ADK: variants seen among roughly 807,000 people sequenced by gnomAD.
ADK encodes N6,N6-dimethyladenosine kinase.
A neutral mutation model predicts 44.7 loss-of-function variants in ADK; 24 were observed. The observed-to-expected ratio is 0.54, with a 90% CI of 0.39 to 0.76. The LOEUF (loss-of-function observed/expected upper bound fraction) is 0.76. Among genes scored for constraint, ADK ranks in the 30% least tolerant of loss-of-function variants. The pLI, the probability that ADK is intolerant of heterozygous loss-of-function variation, is 0.00. For missense variants in ADK, 321 were observed against 425.1 expected, an observed-to-expected ratio of 0.76 and a Z score of 2.15; for synonymous variants, 128 against 142.6, an observed-to-expected ratio of 0.90 and a Z score of 0.73.
chr10:74,413,498 T>C (rs1434900308), intron 6 of ADK, among the ~76,000 whole-genome samples: 1 of 152,222 alleles, frequency 6.6e-6, no homozygotes, highest in Non-Finnish European at 1.5e-5. Context: ...TCTCTTAGCT[T>C]CAGACTTTTC....
chr10:74,385,256 T>TGTTAATAGTGGTATTAATAGA (rs1843104921), intron 4 of ADK, among the ~76,000 whole-genome samples: 1 of 152,068 alleles, frequency 6.6e-6, no homozygotes, highest in Admixed American at 6.6e-5. Flanking sequence ...ACTAAAGTGG[T>TGTTAATAGTGGTATTAATAGA]GTTAATAGAG....
At chr10:74,261,424 C>T (rs1257981472) in intron 3 of ADK, among the ~76,000 whole-genome samples, 1 of 152,184 alleles carries the variant, frequency 6.6e-6, no homozygotes, top group African/African-American at 2.4e-5. Context: ...CTCTTTTCAG[C>T]TCTGATCCTG....
intron 4 of ADK, among the ~76,000 whole-genome samples, chr10:74,350,943 A>T: frequency 6.6e-6 from 1 of 152,192 alleles, no homozygotes; most frequent in East Asian, 1.9e-4. Flanking sequence ...TTAATAGTCT[A>T]CCAACCAAAA....
intron 6 of ADK, among the ~76,000 whole-genome samples, chr10:74,409,895 T>A (rs1358769772): frequency 6.6e-6 from 1 of 152,176 alleles, no homozygotes; most frequent in Admixed American, 6.5e-5. Flanking sequence ...GTTTGCCCTA[T>A]AGGTTTTTCA....
At chr10:74,217,639 C>A (rs10824115) in intron 2 of ADK, among the ~76,000 whole-genome samples, 18,428 of 152,210 alleles carry the variant, frequency 0.12, 1,134 homozygotes, top group Middle Eastern at 0.2. Context: ...AGCAGACTGA[C>A]AACTCACATG....
chr10:74,484,026 C>T (rs1847174686), intron 6 of ADK, among the ~76,000 whole-genome samples: 1 of 152,210 alleles, frequency 6.6e-6, no homozygotes, highest in South Asian at 2.1e-4. Context: ...TCCACATTTT[C>T]AGTCATCTTT....
At chr10:74,185,545 G>C (rs1478482666) in intron 1 of ADK, among the ~76,000 whole-genome samples, 1 of 148,594 alleles carries the variant, frequency 6.7e-6, no homozygotes, top group East Asian at 2.0e-4. Flanking sequence ...TTGAAGCAGA[G>C]TCGTCGGCCG....
At chr10:74,501,593 T>C (rs376312386) in intron 6 of ADK, among the ~76,000 whole-genome samples, 5 of 152,128 alleles carry the variant, frequency 3.3e-5, no homozygotes, top group Non-Finnish European at 7.4e-5. Context: ...TGCAAAAAAA[T>C]TGTTATGGAA....
chr10:74,565,993 A>T (rs1288049699), intron 7 of ADK, among the ~76,000 whole-genome samples: 2 of 152,106 alleles, frequency 1.3e-5, no homozygotes, highest in Non-Finnish European at 2.9e-5. Flanking sequence ...TCTGACTGAT[A>T]AGTGGCAGAT....
At chr10:74,168,488 G>A (rs1373471489) in intron 1 of ADK, among the ~76,000 whole-genome samples, 2 of 143,922 alleles carry the variant, frequency 1.4e-5, no homozygotes, top group African/African-American at 2.6e-5. Flanking sequence ...GCAGTGAGCC[G>A]AGATCGCGCC....
chr10:74,271,633 A>G (rs11000946), intron 3 of ADK, among the ~76,000 whole-genome samples: 65,739 of 104,750 alleles, frequency 0.63, 22,061 homozygotes, highest in Middle Eastern at 0.78. Context: ...TCATTGTTCA[A>G]TTCCCATCTA....
chr10:74,219,183 G>C (rs1204812835), intron 2 of ADK, among the ~76,000 whole-genome samples: 1 of 151,466 alleles, frequency 6.6e-6, no homozygotes, highest in African/African-American at 2.4e-5. Context: ...GATCTACCAA[G>C]CGAATGGAAA....
chr10:74,386,930 C>G (rs1406911845), intron 4 of ADK, among the ~76,000 whole-genome samples: 1 of 140,462 alleles, frequency 7.1e-6, no homozygotes, highest in Non-Finnish European at 1.6e-5. Flanking sequence ...CCACTAGCTC[C>G]AGATATTTCA....
At chr10:74,515,177 G>A (rs1034756833) in intron 6 of ADK, among the ~76,000 whole-genome samples, 1 of 152,154 alleles carries the variant, frequency 6.6e-6, no homozygotes, top group African/African-American at 2.4e-5. Context: ...GTTTGGTGGG[G>A]TACATTAGCC....
intron 4 of ADK, among the ~76,000 whole-genome samples, chr10:74,339,287 A>G (rs1338262826): frequency 6.6e-6 from 1 of 152,090 alleles, no homozygotes; most frequent in Non-Finnish European, 1.5e-5. Context: ...CTCTTCACAG[A>G]ATTTCTAGGA....
intron 3 of ADK, among the ~76,000 whole-genome samples, chr10:74,232,860 G>A (rs1254682210): frequency 6.6e-6 from 1 of 152,092 alleles, no homozygotes; most frequent in Non-Finnish European, 1.5e-5. Context: ...TCCTGACCTC[G>A]TGATCCACCC....
At chr10:74,416,705 CTA>C (rs1472546692) in intron 6 of ADK, among the ~76,000 whole-genome samples, 1 of 151,790 alleles carries the variant, frequency 6.6e-6, no homozygotes, top group Non-Finnish European at 1.5e-5. Flanking sequence ...GCTGTCCTAA[CTA>C]ATCATTTTTT....
intron 6 of ADK, among the ~76,000 whole-genome samples, chr10:74,487,463 T>C (rs990786075): frequency 6.7e-5 from 10 of 150,140 alleles, no homozygotes; most frequent in Admixed American, 5.3e-4. Flanking sequence ...TTTCATTTTG[T>C]TTTTTTTCTG....
intron 10 of ADK, among the ~76,000 whole-genome samples, chr10:74,703,887 A>G (rs1290537580): frequency 1.3e-5 from 2 of 152,226 alleles, no homozygotes; most frequent in Non-Finnish European, 2.9e-5. Context: ...GTACATGCAA[A>G]TGGTGCAAAA....
Sources: gnomAD v4.1 joint callset for allele counts (sites outside exome capture counted in the v4.1 genomes callset) on GRCh38, gnomAD v4.1.1 for gene constraint, MANE v1.5 for transcripts, NCBI Gene and HGNC (gene_info 2026-07-23, HGNC 2026-07-21) for gene names.